IGF1R: variants seen among roughly 807,000 people sequenced by gnomAD.
IGF1R encodes the protein insulin like growth factor 1 receptor, also known as insulin-like growth factor 1 receptor.
A neutral mutation model predicts 144.6 loss-of-function variants in IGF1R; 44 were observed. The ratio of observed to expected loss-of-function variants is 0.30; its 90% CI spans 0.24 to 0.39. The LOEUF is 0.39. Among genes scored for constraint, IGF1R ranks in the 10% least tolerant of loss-of-function variants. The probability of loss-of-function intolerance (pLI) is 1.00; values close to 1 mark genes in which losing one functional copy is unlikely to be tolerated. For missense variants in IGF1R, 1,355 were observed against 1,833.7 expected (o/e 0.74, Z 4.77); for synonymous variants, 795 against 722.8 (o/e 1.10, Z -1.60).
chr15:98,911,415 C>G lies in IGF1R; in HGVS notation c.1563C>G (p.Ile521Met), dbSNP rs1044049667. The G allele has an allele frequency of 6.2e-7, 1 of 1,614,212 alleles. No homozygotes were observed. The highest frequency in any genetic ancestry group is 8.5e-7 in the Non-Finnish European group (1 of 1,180,036). Residue 521 changes from isoleucine (I) to methionine (M), a missense_variant, in exon 7 of 21, where the codon ATC (isoleucine) becomes ATG (methionine). Coordinates refer to ENST00000650285, the MANE Select transcript of IGF1R (RefSeq NM_000875.5). ...RYRPPDYRDL[I>M]SFTVYYKEAP... Reference sequence around the variant, plus strand: ...GGCCCCCTGACTACAGGGATCTCATCAGCTTCACCGTTTACTACAAGGAAG... The same window carrying G: ...GGCCCCCTGACTACAGGGATCTCATGAGCTTCACCGTTTACTACAAGGAAG...
intron 3 of IGF1R, among the ~76,000 whole-genome samples, chr15:98,896,189 G>C (rs1398202289): frequency 6.6e-6 from 1 of 152,192 alleles, no homozygotes; most frequent in East Asian, 1.9e-4. Context: ...AATAATTTCG[G>C]TTGTGCTTTA....
At position 98,961,593 on chromosome 15, in the gene IGF1R, T is replaced by A. The variant is rs2017229141; in HGVS notation, c.*4151T>A. The A allele has an allele frequency of 4.3e-6, 1 of 233,736 alleles. No homozygotes were observed. Among genetic ancestry groups the A allele is most frequent in the Non-Finnish European group, 8.5e-6 (1 of 118,046 alleles). 14.5% of individuals were successfully genotyped at this position (233,736 alleles called of 1,614,324 possible). On this transcript the variant is annotated 3_prime_UTR_variant, in exon 21 of 21. Coordinates refer to ENST00000650285, the MANE Select transcript of IGF1R (RefSeq NM_000875.5). ...GAGTTGTGGCATTTTCCATGCAACCTCCTTCTGCCAGCAGCTCACACTGCT... is the reference window on the plus strand; with the variant it reads ...GAGTTGTGGCATTTTCCATGCAACCACCTTCTGCCAGCAGCTCACACTGCT...
chr15:98,716,310 C>G (rs956550629), intron 2 of IGF1R, among the ~76,000 whole-genome samples: 2 of 152,020 alleles, frequency 1.3e-5, no homozygotes, highest in African/African-American at 4.8e-5. Flanking sequence ...GTTGCTTGGT[C>G]TCTCTCTCTG....
chr15:98,949,602 C>T (rs1010683427), intron 20 of IGF1R, among the ~76,000 whole-genome samples: 1 of 152,116 alleles, frequency 6.6e-6, no homozygotes, highest in African/African-American at 2.4e-5. Context: ...AACTCCTGAC[C>T]TCAGATGATC....
intron 2 of IGF1R, among the ~76,000 whole-genome samples, chr15:98,884,428 C>T (rs926033664): frequency 2.0e-5 from 3 of 152,192 alleles, no homozygotes; most frequent in African/African-American, 7.2e-5. Context: ...GGCCTGGTGG[C>T]TCACACCTGT....
At chr15:98,782,260 T>G (rs2055877163) in intron 2 of IGF1R, among the ~76,000 whole-genome samples, 1 of 152,158 alleles carries the variant, frequency 6.6e-6, no homozygotes, top group African/African-American at 2.4e-5. Context: ...CATTTTGGGA[T>G]GAAAGGAAGC....
chr15:98,815,285 A>G (rs1331526884), intron 2 of IGF1R, among the ~76,000 whole-genome samples: 1 of 152,224 alleles, frequency 6.6e-6, no homozygotes, highest in Non-Finnish European at 1.5e-5. Context: ...CTGGGGAACA[A>G]TGGCTGTCTT....
chr15:98,807,815 C>T (rs1161427303), intron 2 of IGF1R, among the ~76,000 whole-genome samples: 1 of 152,232 alleles, frequency 6.6e-6, no homozygotes, highest in Non-Finnish European at 1.5e-5. Flanking sequence ...TTCTTTCAAG[C>T]AGTCGGATTT....
intron 2 of IGF1R, among the ~76,000 whole-genome samples, chr15:98,730,205 A>G (rs1264675829): frequency 6.6e-6 from 1 of 152,132 alleles, no homozygotes; most frequent in Non-Finnish European, 1.5e-5. Context: ...TTGGAAAGAA[A>G]GGTGATATAC....
chr15:98,843,468 T>C (rs1311456429), intron 2 of IGF1R, among the ~76,000 whole-genome samples: 1 of 152,222 alleles, frequency 6.6e-6, no homozygotes, highest in African/African-American at 2.4e-5. Flanking sequence ...GTCTTAGCAA[T>C]TTTGAATTGC....
In IGF1R at chr15:98,957,150, A is replaced by G. The variant is rs1165403164; in HGVS notation, c.3812A>G (p.Glu1271Gly). ...EIISSIKEEM[E>G]PGFREVSFYY... ...ATCAGCAGCATCAAAGAGGAGATGG[A>G]GCCTGGCTTCCGGGAGGTCTCCTTC... The change falls in exon 21 of 21, where the codon GAG (glutamate) becomes GGG (glycine). Residue 1271 changes from glutamate (E) to glycine (G), a missense_variant. Around this residue, in one of 7 missense-constraint regions of IGF1R, gnomAD observed 219 missense variants for 188.8 expected, o/e 1.16. Transcript: ENST00000650285. 1 of 1,614,116 alleles carries G rather than the reference A, an allele frequency of 6.2e-7. No individual in the cohort carries two copies. Among genetic ancestry groups the G allele is most frequent in the Non-Finnish European group, 8.5e-7 (1 of 1,180,046 alleles).
chr15:98,882,591 C>T (rs1165555356), intron 2 of IGF1R, among the ~76,000 whole-genome samples: 1 of 152,188 alleles, frequency 6.6e-6, no homozygotes, highest in Non-Finnish European at 1.5e-5. Context: ...AGCTTCTTGC[C>T]TGCCTTTGCA....
chr15:98,772,715 A>G (rs2055619296), intron 2 of IGF1R, among the ~76,000 whole-genome samples: 1 of 151,498 alleles, frequency 6.6e-6, no homozygotes, highest in South Asian at 2.1e-4. Context: ...TATAGGCACT[A>G]GCCACTGTGC....
At chr15:98,909,100 A>G (rs1567191910) in intron 6 of IGF1R, among the ~76,000 whole-genome samples, 1 of 152,186 alleles carries the variant, frequency 6.6e-6, no homozygotes, top group African/African-American at 2.4e-5. Flanking sequence ...ATTCGTATTT[A>G]TAAATTCTGT....
intron 2 of IGF1R, among the ~76,000 whole-genome samples, chr15:98,781,457 G>A (rs1292267725): frequency 1.3e-5 from 2 of 152,170 alleles, no homozygotes; most frequent in Non-Finnish European, 2.9e-5. Context: ...AGATTTTACT[G>A]TTCCATTAGA....
rs886044448 is a variant in IGF1R, at chr15:98,948,581, G to A, written c.3595G>A (p.Gly1199Arg). ...GTTTTTTTCTCCCTGTAGGTCCTTC[G>A]GGGTCGTCCTCTGGGAGATCGCCAC... Reference protein sequence around the residue: ...FTTYSDVWSFGVVLWEIATLA... With the variant: ...FTTYSDVWSFRVVLWEIATLA... The change falls in exon 20 of 21, where the codon GGG becomes AGG. Residue 1199 changes from glycine (G) to arginine (R), a missense_variant. Gly to Arg is a moderately radical substitution (Grantham distance 125, BLOSUM62 -2). Transcript: ENST00000650285. 2 of 1,613,920 alleles carry A rather than the reference G, an allele frequency of 1.2e-6. No homozygotes were observed. The highest frequency in any genetic ancestry group is 1.7e-6 in the Non-Finnish European group (2 of 1,180,006).
chr15:98,745,774 C>G (rs1037604589), intron 2 of IGF1R, among the ~76,000 whole-genome samples: 2 of 152,336 alleles, frequency 1.3e-5, no homozygotes, highest in East Asian at 3.9e-4. Flanking sequence ...CTTGTCAAGA[C>G]TCCAGGGAGA....
chr15:98,928,275 G>A (rs1323066338), intron 13 of IGF1R, among the ~76,000 whole-genome samples: 2 of 152,186 alleles, frequency 1.3e-5, no homozygotes, highest in Non-Finnish European at 2.9e-5. Flanking sequence ...AGTCTGCCTG[G>A]TGTAAAGACA....
chr15:98,940,893 G>A (rs2016341128), intron 18 of IGF1R, among the ~76,000 whole-genome samples: 1 of 152,196 alleles, frequency 6.6e-6, no homozygotes, highest in African/African-American at 2.4e-5. Flanking sequence ...GTGAAGCTGG[G>A]CAGCCCTCAG....
Sources: allele counts gnomAD v4.1 joint callset (sites outside exome capture counted in the v4.1 genomes callset), GRCh38; gene constraint gnomAD v4.1.1; regional missense constraint gnomAD v4.1.1; transcripts MANE v1.5; gene names NCBI Gene and HGNC (gene_info 2026-07-23, HGNC 2026-07-21).